The following AFG1L variants were observed in gnomAD, a reference collection of about 807,000 sequenced individuals.
AFG1L encodes the protein AFG1-like ATPase.
A neutral mutation model predicts 62.2 loss-of-function variants in AFG1L; 53 were observed. The observed-to-expected ratio is 0.85, with a 90% CI of 0.68 to 1.07. The LOEUF (loss-of-function observed/expected upper bound fraction) is 1.07, where lower values mean the gene tolerates loss of function less well. Ranked by LOEUF, AFG1L falls within the 50% of genes least tolerant of loss-of-function variation. The pLI is 0.00. For missense variants in AFG1L, 555 were observed against 590.5 expected, an observed-to-expected ratio of 0.94 and a Z score of 0.62; for synonymous variants, 228 against 210.3, an observed-to-expected ratio of 1.08 and a Z score of -0.73.
At chr6:108,494,936 A>G (rs1245017473) in intron 10 of AFG1L, among the ~76,000 whole-genome samples, 2 of 151,610 alleles carry the variant, frequency 1.3e-5, no homozygotes, top group Admixed American at 6.6e-5. Context: ...CTGCCCAGCT[A>G]AATTTTTTTT....
chr6:108,424,919 T>C (rs1223180377), intron 7 of AFG1L, among the ~76,000 whole-genome samples: 2 of 152,126 alleles, frequency 1.3e-5, no homozygotes, highest in African/African-American at 4.8e-5. Flanking sequence ...GCCATCACTC[T>C]TGGTTTAATA....
chr6:108,313,349 C>G (rs1777481086), intron 1 of AFG1L, among the ~76,000 whole-genome samples: 1 of 152,128 alleles, frequency 6.6e-6, no homozygotes, highest in Non-Finnish European at 1.5e-5. Context: ...ATATTAGTAC[C>G]TACCTCAAAG....
Position 108,402,024 on chromosome 6 carries a change from T to C in AFG1L, c.777T>C (p.Ala259=). The change falls in exon 7 of 13, where the codon GCT becomes GCC. Residue 259 remains alanine, a synonymous_variant. Coordinates refer to ENST00000368977, the MANE Select transcript of AFG1L (RefSeq NM_145315.5). ...EDLYKNGLQR[A]NFVPFIAVLK... is the part of the protein sequence containing the mutation. ...TCTATAAAAATGGACTCCAAAGAGC[T>C]AACTTTGTACCATTCATAGCAGTCT... 2 of 1,522,082 alleles carry C rather than the reference T, an allele frequency of 1.3e-6. No individual in the cohort carries two copies. The highest frequency in any genetic ancestry group is 2.5e-5 in the South Asian group (2 of 78,432). 94.3% of individuals were successfully genotyped at this position (1,522,082 alleles called of 1,614,324 possible). A position where few individuals can be genotyped will look rare whatever the true frequency, so the allele number is the denominator to read the frequency against.
intron 11 of AFG1L, 127 bp from the exon 12 acceptor site, chr6:108,519,570 G>C: frequency 1.7e-6 from 1 of 593,292 alleles, no homozygotes; most frequent in Non-Finnish European, 3.0e-6. Context: ...AAAAAAAATG[G>C]ACGTCTTAAA....
At chr6:108,500,296 A>G (rs932405341) in intron 10 of AFG1L, among the ~76,000 whole-genome samples, 29 of 151,724 alleles carry the variant, frequency 1.9e-4, no homozygotes, top group Admixed American at 1.1e-3. Context: ...CACCGTGCCC[A>G]GCCGATATAT....
chr6:108,445,494 C>A (rs1265908116), intron 7 of AFG1L, among the ~76,000 whole-genome samples: 3 of 152,130 alleles, frequency 2.0e-5, no homozygotes, highest in Non-Finnish European at 4.4e-5. Flanking sequence ...CCTCACTAAG[C>A]TTAATCATTT....
At chr6:108,306,668 A>T (rs1033220895) in intron 1 of AFG1L, among the ~76,000 whole-genome samples, 13 of 152,188 alleles carry the variant, frequency 8.5e-5, no homozygotes, top group African/African-American at 3.1e-4. Flanking sequence ...GGATGCTGGG[A>T]TGTATGCTAA....
At chr6:108,315,943 A>T (rs886972842) in intron 1 of AFG1L, among the ~76,000 whole-genome samples, 8 of 152,148 alleles carry the variant, frequency 5.3e-5, no homozygotes, top group Admixed American at 2.6e-4. Context: ...GCTACTCAGG[A>T]GAATGGAGGG....
chr6:108,425,696 T>C (rs1332046912), intron 7 of AFG1L, among the ~76,000 whole-genome samples: 1 of 152,186 alleles, frequency 6.6e-6, no homozygotes, highest in Non-Finnish European at 1.5e-5. Flanking sequence ...TCACTATATT[T>C]ACATATTGCA....
chr6:108,308,253 A>G (rs1777279146), intron 1 of AFG1L, among the ~76,000 whole-genome samples: 1 of 151,902 alleles, frequency 6.6e-6, no homozygotes, highest in Admixed American at 6.6e-5. Flanking sequence ...GGGCTCAAGC[A>G]GTCCTCTCAC....
chr6:108,505,176 C>A (rs1256469840), intron 10 of AFG1L, among the ~76,000 whole-genome samples: 3 of 151,190 alleles, frequency 2.0e-5, no homozygotes, highest in East Asian at 3.9e-4. Flanking sequence ...CTCCCTGCAA[C>A]CTCCGCGCCC....
At position 108,523,118 on chromosome 6, in the gene AFG1L, G is replaced by C. The variant is rs921631897; in HGVS notation, c.*693G>C. ...CAAATTCCAGCCAACAGGCAGATCT[G>C]CAGGCAGAGCTACAAACTCTGCAGC... On this transcript the variant is annotated 3_prime_UTR_variant, in exon 13 of 13. Coordinates refer to ENST00000368977, the MANE Select transcript of AFG1L (RefSeq NM_145315.5). 4.9e-5 allele frequency: 7 copies of C among 144,114 alleles called. No homozygotes were observed. Among genetic ancestry groups the C allele is most frequent in the Admixed American group, 1.4e-4 (2 of 14,212 alleles). 8.9% of individuals were successfully genotyped at this position (144,114 alleles called of 1,614,324 possible). A position where few individuals can be genotyped will look rare whatever the true frequency, so the allele number is the denominator to read the frequency against.
chr6:108,485,206 G>A (rs940151844), intron 10 of AFG1L, among the ~76,000 whole-genome samples: 2 of 152,164 alleles, frequency 1.3e-5, no homozygotes, highest in Non-Finnish European at 2.9e-5. Context: ...ACTCAGGGCT[G>A]CACATTTTAA....
chr6:108,504,004 G>A (rs1265663327), intron 10 of AFG1L, among the ~76,000 whole-genome samples: 2 of 152,218 alleles, frequency 1.3e-5, no homozygotes, highest in Non-Finnish European at 2.9e-5. Flanking sequence ...GAGAGTCAGG[G>A]CCTTGCTCTG....
At chr6:108,340,571 G>T (rs1778645568) in intron 2 of AFG1L, among the ~76,000 whole-genome samples, 1 of 152,018 alleles carries the variant, frequency 6.6e-6, no homozygotes, top group Non-Finnish European at 1.5e-5. Context: ...CACCATGTTG[G>T]TCAGGCTGGT....
chr6:108,434,523 C>T (rs1404975581), intron 7 of AFG1L, among the ~76,000 whole-genome samples: 1 of 152,198 alleles, frequency 6.6e-6, no homozygotes, highest in Non-Finnish European at 1.5e-5. Context: ...TCTCCTTACT[C>T]TATTGCTTTT....
rs999923849 is a variant in AFG1L at position 108,323,891 on chromosome 6, T to C, written c.206T>C (p.Leu69Ser). 6.2e-7 allele frequency: 1 copy of C among 1,614,106 alleles called. No homozygotes were observed. Among genetic ancestry groups the C allele is most frequent in the African/African-American group, 1.3e-5 (1 of 74,936 alleles). ...TATSETYLKA[L>S]AVCHGPLDHY... ...ACTTCAGAGACTTATTTGAAAGCTT[T>C]GGCCGTTTGCCATGGACCTCTGGAC... The change falls in exon 2 of 13, where the codon TTG (leucine) becomes TCG (serine). Residue 69 changes from leucine (L) to serine (S), a missense_variant. Leu to Ser is a moderately radical substitution (Grantham distance 145). Transcript: ENST00000368977.
At chr6:108,394,615 A>G (rs777003733) in intron 6 of AFG1L, among the ~76,000 whole-genome samples, 2 of 152,076 alleles carry the variant, frequency 1.3e-5, no homozygotes, top group Non-Finnish European at 2.9e-5. Flanking sequence ...TACTCTGCAT[A>G]CTTATTTTGA....
intron 6 of AFG1L, among the ~76,000 whole-genome samples, chr6:108,375,693 T>TTAA (rs1222721233): frequency 6.6e-6 from 1 of 152,170 alleles, no homozygotes; most frequent in Non-Finnish European, 1.5e-5. Flanking sequence ...TTATCATGAA[T>TTAA]TAACTTTTTT....
Sources: allele counts gnomAD v4.1 joint callset (sites outside exome capture counted in the v4.1 genomes callset), GRCh38; gene constraint gnomAD v4.1.1; transcripts MANE v1.5; gene names NCBI Gene and HGNC (gene_info 2026-07-23, HGNC 2026-07-21).